The following ADCY7 variants were observed in gnomAD, a reference collection of about 807,000 sequenced individuals.
The protein encoded by ADCY7 is adenylate cyclase type 7.
In ADCY7, 72 loss-of-function variants were observed where a neutral mutation model predicts 120.6. That is an observed-to-expected ratio of 0.60 (90% CI 0.49 to 0.73). The LOEUF is 0.73. ADCY7 is among the 30% of genes least tolerant of loss of function. ADCY7 has a pLI of 0.00. For missense variants in ADCY7, 1,227 were observed against 1,486.0 expected (o/e 0.83, Z 2.87); for synonymous variants, 661 against 628.0 (o/e 1.05, Z -0.78).
chr16:50,284,249 C>G (rs1318451817), intron 1 of ADCY7, among the ~76,000 whole-genome samples: 1 of 152,170 alleles, frequency 6.6e-6, no homozygotes, highest in Non-Finnish European at 1.5e-5. Context: ...CGGCTTGTTC[C>G]AGGAGCTGGC....
intron 1 of ADCY7, among the ~76,000 whole-genome samples, chr16:50,267,731 A>G (rs1359182352): frequency 6.6e-6 from 1 of 152,222 alleles, no homozygotes; most frequent in Non-Finnish European, 1.5e-5. Flanking sequence ...AAAAATCTGT[A>G]AATAGGACAT....
rs752519334 is a variant in ADCY7, at chr16:50,291,882, C to A, written c.522C>A (p.Val174=). The A allele has an allele frequency of 1.9e-6, 3 of 1,611,654 alleles. No individual in the cohort carries two copies. The East Asian group carries it at 6.7e-5, about 36-fold the overall frequency. ...TGGGAGGCTTCACGACACCCAGTGT[C>A]CGGGTGGGGCTGCAGGTGAGGGATG... is the stretch of plus-strand genomic sequence containing the variant. ...SLMGGFTTPS[V]RVGLQLLANA... Residue 174 remains valine, a synonymous_variant, in exon 4 of 26, where the codon GTC becomes GTA. Transcript: ENST00000673801.
rs1387064116 is a variant in ADCY7 at position 50,297,653 on chromosome 16, C to A, written c.949-1251C>A. ...TGGGCAGGTGCAGGGGACCTGGAGG[C>A]AGGGCTGGTGCTGTGTCTGGGGCCT... On this transcript the variant is annotated intron_variant, in intron 7 of 25. Coordinates refer to ENST00000673801, the MANE Select transcript of ADCY7 (RefSeq NM_001114.5). This position sits in a 1 kb window ranked among gnomAD's most constrained non-coding sequence, Gnocchi z 4.4. Among the ~76,000 whole-genome samples the A allele has an allele frequency of 6.6e-6, 1 of 152,192 alleles. No homozygotes were observed. Among genetic ancestry groups the A allele is most frequent in the Non-Finnish European group, 1.5e-5 (1 of 68,024 alleles).
At position 50,308,214 on chromosome 16, in the gene ADCY7, G is replaced by A. The variant is rs112663933; in HGVS notation, c.1851-113G>A. On this transcript the variant is annotated intron_variant, in intron 15 of 25. Transcript: ENST00000673801. ...GTTTTCACAGGTCCCCTTTGCTGTGGGCAGAATACCAGGTAGGGTGGGGAC... is the reference window on the plus strand; with the variant it reads ...GTTTTCACAGGTCCCCTTTGCTGTGAGCAGAATACCAGGTAGGGTGGGGAC... 1.1e-3 allele frequency: 1,814 copies of A among 1,585,576 alleles called. 19 individuals are homozygous for A. The African/African-American group carries it at 0.021, about 18-fold the overall frequency.
intron 1 of ADCY7, among the ~76,000 whole-genome samples, chr16:50,254,128 G>C (rs1471389641): frequency 1.3e-5 from 2 of 152,222 alleles, no homozygotes; most frequent in Non-Finnish European, 2.9e-5. Flanking sequence ...CGCTGTGTGA[G>C]ACATGGAGGA....
upstream of ADCY7, among the ~76,000 whole-genome samples, chr16:50,261,930 T>C (rs2033068791): frequency 6.6e-6 from 1 of 152,064 alleles, no homozygotes; most frequent in East Asian, 1.9e-4. Flanking sequence ...TGGACGGTGG[T>C]TTTTGTTCTC....
chr16:50,253,273 T>G (rs11076525), intron 1 of ADCY7, among the ~76,000 whole-genome samples: 135,074 of 152,156 alleles, frequency 0.89, 60,819 homozygotes, highest in East Asian at 1. Context: ...TTTTCTGAGA[T>G]GGAGTCTTGC....
At chr16:50,275,147 C>T (rs544917987) in intron 1 of ADCY7, among the ~76,000 whole-genome samples, 5 of 152,320 alleles carry the variant, frequency 3.3e-5, no homozygotes, top group East Asian at 1.9e-4. Context: ...CTGTTGAGAC[C>T]GTGAGCACCT....
At chr16:50,276,874 A>T (rs554048107) in intron 1 of ADCY7, among the ~76,000 whole-genome samples, 1 of 152,286 alleles carries the variant, frequency 6.6e-6, no homozygotes, top group African/African-American at 2.4e-5. Flanking sequence ...CATCACAGGC[A>T]TGAGCCAATG....
chr16:50,315,280 C>T (rs1597005282), intron 25 of ADCY7, 79 bp from the exon 26 acceptor site: 2 of 1,566,844 alleles, frequency 1.3e-6, no homozygotes, highest in South Asian at 2.4e-5. Flanking sequence ...GACTGCATGC[C>T]TGGGCAGTCT....
chr16:50,299,464 C>T (rs2151011071), intron 8 of ADCY7, among the ~76,000 whole-genome samples: 1 of 152,332 alleles, frequency 6.6e-6, no homozygotes, highest in African/African-American at 2.4e-5. Flanking sequence ...GGGGAGACCC[C>T]CCGCTCCCCT....
chr16:50,264,319 C>G (rs1391684165), upstream of ADCY7, among the ~76,000 whole-genome samples: 2 of 152,200 alleles, frequency 1.3e-5, no homozygotes, highest in Non-Finnish European at 2.9e-5. Flanking sequence ...CTTTTTACTG[C>G]TGAGTAATTT....
At chr16:50,308,270 G>A (rs1241943954) in intron 15 of ADCY7, 57 bp from the exon 16 acceptor site, 5 of 1,613,782 alleles carry the variant, frequency 3.1e-6, no homozygotes, top group Non-Finnish European at 4.2e-6. Flanking sequence ...ATTGGTGGGG[G>A]CGGTGGTCCT....
At chr16:50,294,271 G>C (rs953641101) in intron 6 of ADCY7, among the ~76,000 whole-genome samples, 1 of 152,186 alleles carries the variant, frequency 6.6e-6, no homozygotes, top group Non-Finnish European at 1.5e-5. Context: ...GAGGGAGCAT[G>C]GAGCTGCCTC....
chr16:50,301,130 C>T lies in ADCY7; in HGVS notation c.1284C>T (p.Tyr428=), dbSNP rs776601765. ...EATLKHLDKA[Y]EVEDGHGQQR... is the part of the protein sequence containing the mutation. ...CGCTAAAGCACCTGGACAAGGCGTA[C>T]GAGGTGGAGGATGGGCACGGGCAGC... The change falls in exon 10 of 26, where the codon TAC becomes TAT. Residue 428 remains tyrosine (Y), a synonymous_variant. Coordinates refer to ENST00000673801, the MANE Select transcript of ADCY7 (RefSeq NM_001114.5). 17 of 1,613,828 alleles carry T rather than the reference C, an allele frequency of 1.1e-5. No homozygotes were observed. Among genetic ancestry groups the T allele is most frequent in the Admixed American group, 5.0e-5 (3 of 59,982 alleles).
At chr16:50,293,194 A>G (rs1396716414) in intron 5 of ADCY7, among the ~76,000 whole-genome samples, 160 bp from the exon 6 acceptor site, 2 of 152,134 alleles carry the variant, frequency 1.3e-5, no homozygotes, top group African/African-American at 2.4e-5. Flanking sequence ...GGTGGAGGAC[A>G]AGAGCAGAGA....
At chr16:50,305,406 A>G in intron 12 of ADCY7, 97 bp from the exon 13 acceptor site, 1 of 1,046,980 alleles carries the variant, frequency 9.6e-7, no homozygotes. Context: ...ATCCCACCTG[A>G]GGTTCTGGGA....
upstream of ADCY7, among the ~76,000 whole-genome samples, chr16:50,245,245 C>G (rs997953548): frequency 6.6e-6 from 1 of 152,182 alleles, no homozygotes; most frequent in Non-Finnish European, 1.5e-5. Context: ...CTATGAAGAC[C>G]TGCTAGGGCC....
intron 18 of ADCY7, 35 bp downstream of exon 18, chr16:50,309,681 C>T (rs374941838): frequency 6.4e-7 from 1 of 1,571,594 alleles, no homozygotes; most frequent in Non-Finnish European, 8.6e-7. Context: ...TGGCCTCATT[C>T]AGAGTGGGGC....
Sources: allele counts gnomAD v4.1 joint callset (sites outside exome capture counted in the v4.1 genomes callset), GRCh38; gene constraint gnomAD v4.1.1; non-coding constraint Gnocchi (gnomAD v3.1); transcripts MANE v1.5; gene names NCBI Gene and HGNC (gene_info 2026-07-23, HGNC 2026-07-21).